Variants in RBBP8 observed in about 807,000 individuals in gnomAD.
The protein encoded by RBBP8 is RB binding protein 8, endonuclease.
Under a neutral mutation model 108.3 loss-of-function variants are expected in RBBP8, and 88 were observed. The ratio of observed to expected loss-of-function variants is 0.81; its 90% CI spans 0.68 to 0.97. The LOEUF (loss-of-function observed/expected upper bound fraction) is 0.97, where lower values mean the gene tolerates loss of function less well. Among genes scored for constraint, RBBP8 ranks in the 50% least tolerant of loss-of-function variants. RBBP8 has a pLI of 0.00. For missense variants in RBBP8, 1,023 were observed against 1,049.0 expected, an observed-to-expected ratio of 0.98 and a Z score of 0.34; for synonymous variants, 332 against 348.2, an observed-to-expected ratio of 0.95 and a Z score of 0.52.
At chr18:22,965,930 C>A (rs1913543821) in intron 4 of RBBP8, among the ~76,000 whole-genome samples, 1 of 152,168 alleles carries the variant, frequency 6.6e-6, no homozygotes, top group Non-Finnish European at 1.5e-5. Context: ...TTGTCTGCAA[C>A]TGAGAAGCTC....
chr18:22,964,373 G>GTTT (rs71161350), intron 4 of RBBP8, among the ~76,000 whole-genome samples: 5 of 139,510 alleles, frequency 3.6e-5, no homozygotes, highest in Non-Finnish European at 6.2e-5. Context: ...GGAGACTTAG[G>GTTT]TTTTTTTTTT....
Position 22,938,954 on chromosome 18 carries a change from T to G in RBBP8, c.109+1994T>G, listed in dbSNP as rs115798087. Reference sequence around the variant, plus strand: ...GAGGATTAAGCAATTGTGGTTGAGATGAGTAAATATTATTTGTGTTAAAAG... The same window carrying G: ...GAGGATTAAGCAATTGTGGTTGAGAGGAGTAAATATTATTTGTGTTAAAAG... On this transcript the variant is annotated intron_variant, in intron 2 of 18. Coordinates refer to ENST00000327155, the MANE Select transcript of RBBP8 (RefSeq NM_002894.3). Among the ~76,000 whole-genome samples the G allele has an allele frequency of 6.2e-3, 949 of 152,298 alleles. 8 individuals are homozygous for G. The highest frequency in any genetic ancestry group is 0.02 in the African/African-American group (840 of 41,566).
chr18:22,985,410 T>TA lies in RBBP8; in HGVS notation c.709+420_709+421insA, dbSNP rs1471397519. Among the ~76,000 whole-genome samples the TA allele has an allele frequency of 2.5e-3, 376 of 152,248 alleles. 1 individual carries two copies. The highest frequency in any genetic ancestry group is 8.6e-3 in the African/African-American group (358 of 41,540). On this transcript the variant is annotated intron_variant, in intron 8 of 18. Coordinates refer to ENST00000327155, the MANE Select transcript of RBBP8 (RefSeq NM_002894.3). Reference sequence around the variant, plus strand: ...AAGAAGGGATATTAGAAAGCCTCACTTGTAAAGTGATGTTTGCATAGGGAC... The same window carrying TA: ...AAGAAGGGATATTAGAAAGCCTCACTATGTAAAGTGATGTTTGCATAGGGAC...
intron 15 of RBBP8, among the ~76,000 whole-genome samples, chr18:23,002,552 T>C (rs1256484826): frequency 6.6e-6 from 1 of 152,230 alleles, no homozygotes; most frequent in East Asian, 1.9e-4. Flanking sequence ...AGTAACTTTA[T>C]AATGTAGGAT....
intron 18 of RBBP8, among the ~76,000 whole-genome samples, chr18:23,025,460 T>C (rs931512857): frequency 3.9e-5 from 6 of 152,154 alleles, no homozygotes; most frequent in African/African-American, 1.4e-4. Flanking sequence ...ATAAGCCAGA[T>C]TGAGTCAACT....
chr18:22,937,208 C>T (rs1261028593), intron 2 of RBBP8: 2 of 574,854 alleles, frequency 3.5e-6, no homozygotes, highest in Non-Finnish European at 5.6e-6. Flanking sequence ...TCCCACCCCC[C>T]TGACCCTCCA....
At chr18:22,936,544 C>T (rs1055970902) in intron 1 of RBBP8, among the ~76,000 whole-genome samples, 1 of 152,098 alleles carries the variant, frequency 6.6e-6, no homozygotes, top group Non-Finnish European at 1.5e-5. Context: ...TGAAAATTTA[C>T]CTCATATAGC....
intron 3 of RBBP8, among the ~76,000 whole-genome samples, chr18:22,948,569 T>C (rs557686030): frequency 6.6e-6 from 1 of 152,250 alleles, no homozygotes; most frequent in South Asian, 2.1e-4. Flanking sequence ...TCAACAAATA[T>C]TTAAGAAATT....
Position 23,006,373 on chromosome 18 carries a change from T to G in RBBP8, c.2298T>G (p.Asp766Glu), listed in dbSNP as rs907698140. The change falls in exon 16 of 19, where the codon GAT becomes GAG. Residue 766 changes from aspartate to glutamate, a missense_variant. Physicochemically the swap from Asp to Glu is conservative, Grantham distance 45 (BLOSUM62 2). Coordinates refer to ENST00000327155, the MANE Select transcript of RBBP8 (RefSeq NM_002894.3). ...ATGTTTTATTTATAGCTCATGGTGATAAACAAGACAAAGTCAAGCAGAAAG... is the reference window on the plus strand; with the variant it reads ...ATGTTTTATTTATAGCTCATGGTGAGAAACAAGACAAAGTCAAGCAGAAAG... ...TATKKLHTHG[D>E]KQDKVKQKAF... 2.3e-5 allele frequency: 37 copies of G among 1,613,168 alleles called. No individual in the cohort carries two copies. The highest frequency in any genetic ancestry group is 2.9e-5 in the Non-Finnish European group (34 of 1,179,286).
In RBBP8 at chr18:22,935,544, G is replaced by A. The variant is rs531329930; in HGVS notation, c.-98-1210G>A. On this transcript the variant is annotated intron_variant, in intron 1 of 18. Transcript: ENST00000327155. ...ATAGTTTATTTTTGTAGCTCTTGAC[G>A]GTTCACCAAGTGGCTTCACATATAC... 8.3e-4 allele frequency among the ~76,000 whole-genome samples: 126 copies of A among 151,988 alleles called. No homozygotes were observed. In the South Asian group the frequency reaches 0.016, roughly 19 times the overall value.
chr18:22,942,385 C>T (rs1911167490), intron 2 of RBBP8, among the ~76,000 whole-genome samples: 1 of 152,026 alleles, frequency 6.6e-6, no homozygotes, highest in Non-Finnish European at 1.5e-5. Context: ...CAAAATATGA[C>T]AGTATGTGCA....
chr18:22,937,402 C>A (rs1424211680), intron 2 of RBBP8, among the ~76,000 whole-genome samples: 1 of 151,854 alleles, frequency 6.6e-6, no homozygotes, highest in Non-Finnish European at 1.5e-5. Context: ...TCATTGTATT[C>A]CATGATGTAT....
chr18:23,005,922 C>T (rs983820904), intron 15 of RBBP8, among the ~76,000 whole-genome samples: 1 of 152,084 alleles, frequency 6.6e-6, no homozygotes, highest in Non-Finnish European at 1.5e-5. Flanking sequence ...TGCAGTGGCT[C>T]ACGCCTGTAA....
At chr18:22,943,265 G>T (rs1440887304) in intron 2 of RBBP8, among the ~76,000 whole-genome samples, 1 of 151,984 alleles carries the variant, frequency 6.6e-6, no homozygotes, top group Admixed American at 6.6e-5. Flanking sequence ...GCGAGACCCT[G>T]TCTCTACAAA....
At position 22,958,296 on chromosome 18, in the gene RBBP8, T is replaced by A. The variant is rs565319743; in HGVS notation, c.248+8583T>A. 1.2e-4 allele frequency among the ~76,000 whole-genome samples: 18 copies of A among 152,392 alleles called. No individual in the cohort carries two copies. The South Asian group carries it at 3.3e-3, about 28-fold the overall frequency. On this transcript the variant is annotated intron_variant, in intron 4 of 18. Coordinates refer to ENST00000327155, the MANE Select transcript of RBBP8 (RefSeq NM_002894.3). ...AGCTAGGATTGCATTTCTTTACGTATCTGATGTCATGGCCTTTCTGCCACT... is the reference window on the plus strand; with the variant it reads ...AGCTAGGATTGCATTTCTTTACGTAACTGATGTCATGGCCTTTCTGCCACT...
At chr18:22,939,867 C>T (rs1316352664) in intron 2 of RBBP8, among the ~76,000 whole-genome samples, 1 of 152,096 alleles carries the variant, frequency 6.6e-6, no homozygotes, top group Non-Finnish European at 1.5e-5. Context: ...TGGTTTATGT[C>T]AGACCAGGCT....
At chr18:22,977,035 G>A (rs993379927) in intron 6 of RBBP8, among the ~76,000 whole-genome samples, 1 of 152,080 alleles carries the variant, frequency 6.6e-6, no homozygotes, top group Non-Finnish European at 1.5e-5. Flanking sequence ...ATATAGATGA[G>A]CTTAAGGCAT....
chr18:22,922,184 A>G (rs987737542), intron 3 of RBBP8, among the ~76,000 whole-genome samples: 11 of 152,212 alleles, frequency 7.2e-5, no homozygotes, highest in Admixed American at 6.5e-4. Context: ...ACTTGTTTGT[A>G]TAATATGTAA....
chr18:22,930,981 T>C (rs958845999), upstream of RBBP8, among the ~76,000 whole-genome samples: 5 of 152,132 alleles, frequency 3.3e-5, no homozygotes, highest in Admixed American at 2.6e-4. Flanking sequence ...TTCACTATGT[T>C]GCCCAAGCTC....
Sources: allele counts gnomAD v4.1 joint callset (sites outside exome capture counted in the v4.1 genomes callset), GRCh38; gene constraint gnomAD v4.1.1; transcripts MANE v1.5; gene names NCBI Gene and HGNC (gene_info 2026-07-23, HGNC 2026-07-21).